KCNH7: variants seen among roughly 807,000 people sequenced by gnomAD.
KCNH7 encodes potassium voltage-gated channel subfamily H member 7.
Under a neutral mutation model 120.8 loss-of-function variants are expected in KCNH7, and 49 were observed. That is an observed-to-expected ratio of 0.41 (90% CI 0.32 to 0.51). The LOEUF (loss-of-function observed/expected upper bound fraction) is 0.51, where lower values mean the gene tolerates loss of function less well. Among genes scored for constraint, KCNH7 ranks in the 20% least tolerant of loss-of-function variants. KCNH7 has a pLI of 0.38. For synonymous variants in KCNH7, 547 were observed against 516.1 expected, an observed-to-expected ratio of 1.06 and a Z score of -0.81; for missense variants, 1,097 against 1,446.6, an observed-to-expected ratio of 0.76 and a Z score of 3.92.
chr2:162,479,463 C>T (rs1015327625), intron 6 of KCNH7, among the ~76,000 whole-genome samples: 1 of 152,214 alleles, frequency 6.6e-6, no homozygotes, highest in South Asian at 2.1e-4. Context: ...CAAAACTTAA[C>T]TGAATGAGCA....
At chr2:162,825,452 G>A (rs1051301667) in intron 2 of KCNH7, among the ~76,000 whole-genome samples, 2 of 151,760 alleles carry the variant, frequency 1.3e-5, no homozygotes, top group Non-Finnish European at 2.9e-5. Context: ...TAAAAAGAAT[G>A]CTAAGTTTTA....
chr2:162,648,314 T>C (rs1684440273), intron 2 of KCNH7, among the ~76,000 whole-genome samples: 2 of 151,968 alleles, frequency 1.3e-5, no homozygotes, highest in South Asian at 4.1e-4. Context: ...GGCCACACAC[T>C]TCCAAACAAC....
intron 2 of KCNH7, among the ~76,000 whole-genome samples, chr2:162,620,195 T>C (rs1683301561): frequency 6.6e-6 from 1 of 150,506 alleles, no homozygotes; most frequent in African/African-American, 2.4e-5. Context: ...TTATGTATCC[T>C]TTTATTTTAT....
At chr2:162,555,967 AT>A (rs1275118198) in intron 2 of KCNH7, among the ~76,000 whole-genome samples, 1 of 152,096 alleles carries the variant, frequency 6.6e-6, no homozygotes, top group African/African-American at 2.4e-5. Context: ...AACGCTGCGT[AT>A]TCTTCACAAA....
At chr2:162,650,726 T>G (rs1447940693) in intron 2 of KCNH7, among the ~76,000 whole-genome samples, 2 of 152,186 alleles carry the variant, frequency 1.3e-5, no homozygotes, top group African/African-American at 4.8e-5. Context: ...TTATTTGATG[T>G]CTGCCTCCCC....
At chr2:162,810,500 A>C (rs530234012) in intron 2 of KCNH7, among the ~76,000 whole-genome samples, 350 of 152,250 alleles carry the variant, frequency 2.3e-3, no homozygotes, top group Non-Finnish European at 3.3e-3. Context: ...GAAATGTTTT[A>C]TACTGCATTT....
At chr2:162,482,326 A>G (rs1355359179) in intron 6 of KCNH7, among the ~76,000 whole-genome samples, 1 of 152,190 alleles carries the variant, frequency 6.6e-6, no homozygotes, top group Non-Finnish European at 1.5e-5. Flanking sequence ...GACTGACCAG[A>G]GCAGATGTGA....
At chr2:162,534,241 G>C (rs539101500) in intron 3 of KCNH7, among the ~76,000 whole-genome samples, 1 of 151,338 alleles carries the variant, frequency 6.6e-6, no homozygotes, top group Non-Finnish European at 1.5e-5. Flanking sequence ...ATGAAAAAGA[G>C]GCAACAAAGT....
intron 2 of KCNH7, among the ~76,000 whole-genome samples, chr2:162,722,824 T>TTTC: frequency 6.8e-6 from 1 of 146,422 alleles, no homozygotes; most frequent in East Asian, 2.0e-4. Flanking sequence ...TTTTTTTTTT[T>TTTC]TTTTTTTGCT....
chr2:162,570,194 C>G (rs1237633429), intron 2 of KCNH7, among the ~76,000 whole-genome samples: 1 of 148,500 alleles, frequency 6.7e-6, no homozygotes, highest in Non-Finnish European at 1.5e-5. Flanking sequence ...TCAGGACTTG[C>G]TTTATGAATC....
At position 162,439,828 on chromosome 2, in the gene KCNH7, TA is replaced by T. The variant is rs1293131567; in HGVS notation, c.1555-4232del. The stretch of plus-strand genomic sequence containing the variant: ...ATTAATTTTTAAACTAAGCACTATT[TA>T]AAAAATATATATATATATTCTAAAC... On this transcript the variant is annotated intron_variant, in intron 7 of 15. Transcript: ENST00000332142. Among the ~76,000 whole-genome samples, 4 of 151,586 alleles carry T rather than the reference TA, an allele frequency of 2.6e-5. No individual in the cohort carries two copies. The East Asian group carries it at 7.7e-4, about 29-fold the overall frequency.
At chr2:162,394,808 G>C (rs1007483865) in intron 11 of KCNH7, among the ~76,000 whole-genome samples, 1 of 151,802 alleles carries the variant, frequency 6.6e-6, no homozygotes, top group Non-Finnish European at 1.5e-5. Context: ...ACTTGATAAA[G>C]TTAAAATAAG....
At chr2:162,388,106 T>C (rs1686629308) in intron 12 of KCNH7, among the ~76,000 whole-genome samples, 1 of 151,942 alleles carries the variant, frequency 6.6e-6, no homozygotes, top group African/African-American at 2.4e-5. Context: ...TAAGATCACA[T>C]ACTTTAGGCC....
chr2:162,752,962 AG>A, intron 2 of KCNH7, among the ~76,000 whole-genome samples: 1 of 115,762 alleles, frequency 8.6e-6, no homozygotes, highest in African/African-American at 5.1e-5. Context: ...AGAAAAGAAA[AG>A]AAAAGAAAAG....
intron 2 of KCNH7, among the ~76,000 whole-genome samples, chr2:162,623,378 T>C (rs958416538): frequency 7.9e-5 from 12 of 152,210 alleles, no homozygotes; most frequent in Admixed American, 3.3e-4. Context: ...AGTAATTTCA[T>C]ATGGTTTCAC....
intron 6 of KCNH7, among the ~76,000 whole-genome samples, chr2:162,450,615 T>C (rs144889059): frequency 3.3e-5 from 5 of 152,196 alleles, no homozygotes; most frequent in East Asian, 1.9e-4. Context: ...GATTCTTATA[T>C]TTATTGTTTT....
rs188101557 is a variant in KCNH7, at chr2:162,668,726, T to C, written c.308-131646A>G. On this transcript the variant is annotated intron_variant, in intron 2 of 15. Transcript: ENST00000332142. The stretch of plus-strand genomic sequence containing the variant: ...ATAAGGTATCATGAATGAAAGGCAG[T>C]AGGAAAAAAAGGATGGAATCTTTAC... Among the ~76,000 whole-genome samples, 7 of 152,006 alleles carry C rather than the reference T, an allele frequency of 4.6e-5. No homozygotes were observed. The East Asian group carries it at 1.2e-3, about 25-fold the overall frequency.
At chr2:162,601,773 G>T (rs1694566068) in intron 2 of KCNH7, among the ~76,000 whole-genome samples, 1 of 151,932 alleles carries the variant, frequency 6.6e-6, no homozygotes, top group African/African-American at 2.4e-5. Context: ...AACATGGACT[G>T]CACTTAATTT....
At chr2:162,734,964 C>T (rs1349824834) in intron 2 of KCNH7, among the ~76,000 whole-genome samples, 2 of 152,124 alleles carry the variant, frequency 1.3e-5, no homozygotes, top group Non-Finnish European at 2.9e-5. Flanking sequence ...TCTTATTCTG[C>T]CTTGCATCCA....
Sources: allele counts gnomAD v4.1 joint callset (sites outside exome capture counted in the v4.1 genomes callset), GRCh38; gene constraint gnomAD v4.1.1; transcripts MANE v1.5; gene names NCBI Gene and HGNC (gene_info 2026-07-23, HGNC 2026-07-21).